Variants in ATP2B3 observed in about 807,000 individuals in gnomAD.
ATP2B3 encodes the protein plasma membrane calcium-transporting ATPase 3.
In ATP2B3, 12 loss-of-function variants were observed where a neutral mutation model predicts 70.8. The observed-to-expected ratio is 0.17, with a 90% confidence interval of 0.11 to 0.27. The LOEUF is 0.27. Ranked by LOEUF, ATP2B3 falls within the 10% of genes least tolerant of loss-of-function variation. ATP2B3 has a pLI of 1.00. For synonymous variants in ATP2B3, 460 were observed against 497.8 expected, an observed-to-expected ratio of 0.92 and a Z score of 1.01; for missense variants, 858 against 1,118.5, an observed-to-expected ratio of 0.77 and a Z score of 3.32.
rs368530977 is a variant in ATP2B3 at position 153,580,143 on chromosome X, C to T, written c.3508C>T (p.Arg1170Cys). The T allele has an allele frequency of 2.5e-5, 30 of 1,210,340 alleles. No homozygotes were observed. The highest frequency in any genetic ancestry group is 3.5e-5 in the South Asian group (2 of 56,865). The change falls in exon 22 of 22, where the codon CGC (arginine) becomes TGC (cysteine). Residue 1170 changes from arginine to cysteine, a missense_variant. This residue lies in a region of ATP2B3 where 265 missense variants were observed against 305.3 expected (regional missense o/e 0.87). Coordinates refer to ENST00000263519, the MANE Select transcript of ATP2B3 (RefSeq NM_001001344.3). ...DDTDVDENEERLRAPPPPSPN... is the reference protein window; with the variant it reads ...DDTDVDENEECLRAPPPPSPN... ...CACGGACGTGGACGAGAACGAGGAG[C>T]GCCTCCGGGCCCCCCCGCCCCCGTC... is the stretch of plus-strand genomic sequence containing the variant.
chrX:153,536,582 T>C, intron 3 of ATP2B3, 127 bp downstream of exon 3: 1 of 753,425 alleles, frequency 1.3e-6, no homozygotes, highest in Admixed American at 2.8e-5. Flanking sequence ...TCTCAGCCAT[T>C]TCCCTTGAGG....
intron 2 of ATP2B3, among the ~76,000 whole-genome samples, chrX:153,525,556 C>A (rs73633643): frequency 0.01 from 1,131 of 112,348 alleles, 13 homozygotes; most frequent in African/African-American, 0.035. Context: ...TGGAAGCATC[C>A]AGGACCAGAC....
intron 13 of ATP2B3, among the ~76,000 whole-genome samples, chrX:153,555,557 T>C (rs956430747): frequency 9.0e-6 from 1 of 111,492 alleles, no homozygotes; most frequent in African/African-American, 3.3e-5. Context: ...ACCTCTTCAT[T>C]TGGGAACTGT....
chrX:153,564,519 C>T (rs912798945), intron 20 of ATP2B3, among the ~76,000 whole-genome samples: 1 of 113,121 alleles, frequency 8.8e-6, no homozygotes, highest in Non-Finnish European at 1.9e-5. Flanking sequence ...CTTGCTGCAC[C>T]GCGTTCCACT....
At chrX:153,555,622 G>A (rs1167997685) in intron 13 of ATP2B3, among the ~76,000 whole-genome samples, 4 of 111,988 alleles carry the variant, frequency 3.6e-5, no homozygotes, top group Non-Finnish European at 5.6e-5. Flanking sequence ...CCAGTCTCCT[G>A]GCTTCCCGCT....
At chrX:153,532,720 G>C (rs781885806) in intron 2 of ATP2B3, among the ~76,000 whole-genome samples, 125 of 112,159 alleles carry the variant, frequency 1.1e-3, no homozygotes, top group African/African-American at 3.4e-3. Context: ...GCACAGAAAT[G>C]GTATGTTCCC....
At chrX:153,529,693 G>A (rs1458993581) in intron 2 of ATP2B3, among the ~76,000 whole-genome samples, 1 of 112,110 alleles carries the variant, frequency 8.9e-6, no homozygotes, top group East Asian at 2.8e-4. Context: ...CCAAACTGAA[G>A]CTCTGGCCCC....
chrX:153,538,608 C>G (rs781933580), intron 3 of ATP2B3, among the ~76,000 whole-genome samples: 7 of 113,018 alleles, frequency 6.2e-5, no homozygotes, highest in East Asian at 5.6e-4. Context: ...GGAGCCGACA[C>G]GAGATGCTCC....
At chrX:153,522,528 C>T (rs782638799) in intron 2 of ATP2B3, among the ~76,000 whole-genome samples, 41 of 111,837 alleles carry the variant, frequency 3.7e-4, no homozygotes, top group Non-Finnish European at 5.1e-4. Context: ...GCAGAGACTC[C>T]GGGATGTACT....
chrX:153,575,649 C>T (rs1445543053), intron 21 of ATP2B3, among the ~76,000 whole-genome samples: 1 of 100,451 alleles, frequency 1.0e-5, no homozygotes, highest in African/African-American at 3.7e-5. Context: ...GGGCTGGGGC[C>T]GGGGGGGTTG....
rs782209060 is a variant in ATP2B3 at position 153,547,852 on chromosome X, G to T, written c.976G>T (p.Ala326Ser). ...GTGTGCAGCTAAGAAGCAGGATGGT[G>T]CAGTGGCCATGGAGATGCAGCCCCT... ...SQTKAKKQDG[A>S]VAMEMQPLKS... is the part of the protein sequence containing the mutation. The change falls in exon 9 of 22, where the codon GCA (alanine) becomes TCA (serine). Residue 326 changes from alanine (A) to serine (S), a missense_variant. By Grantham distance (99) the Ala-to-Ser change is moderately conservative. Transcript: ENST00000263519. The T allele has an allele frequency of 1.6e-5, 19 of 1,206,979 alleles. No homozygotes were observed. Among genetic ancestry groups the T allele is most frequent in the Middle Eastern group, 2.3e-4 (1 of 4,327 alleles).
intron 6 of ATP2B3, 68 bp downstream of exon 6, chrX:153,542,516 TC>T: frequency 2.6e-6 from 3 of 1,159,829 alleles, no homozygotes; most frequent in Non-Finnish European, 3.5e-6. Context: ...CAGCATCCTG[TC>T]CAGGCTGCCT....
chrX:153,527,991 C>T (rs907388631), intron 2 of ATP2B3, among the ~76,000 whole-genome samples: 16 of 112,683 alleles, frequency 1.4e-4, no homozygotes, highest in African/African-American at 4.5e-4. Context: ...TGGAGCCCTG[C>T]CTTCTCACCA....
At chrX:153,552,984 C>T (rs782554876) in intron 12 of ATP2B3, 51 bp from the exon 13 acceptor site, 5 of 1,090,119 alleles carry the variant, frequency 4.6e-6, no homozygotes, top group Non-Finnish European at 6.3e-6. Context: ...AGCGCTGTTC[C>T]TTGTTGTTCT....
At chrX:153,520,701 G>C (rs1556997583) in intron 2 of ATP2B3, among the ~76,000 whole-genome samples, 1 of 112,640 alleles carries the variant, frequency 8.9e-6, no homozygotes, top group Non-Finnish European at 1.9e-5. Context: ...CCAGTAGGTA[G>C]CAAATCCAGG....
intron 21 of ATP2B3, among the ~76,000 whole-genome samples, chrX:153,574,009 A>C (rs1474913235): frequency 2.7e-5 from 3 of 112,482 alleles, no homozygotes; most frequent in East Asian, 5.6e-4. Flanking sequence ...CCAGCTGTGG[A>C]GTTTGCATTT....
In ATP2B3 at chrX:153,580,281, G is replaced by A. The variant is rs1557022577; in HGVS notation, c.3646G>A (p.Val1216Met). ...SSSPGSPLHS[V>M]ETSL Reference sequence around the variant, plus strand: ...CAGTCCCGGGAGCCCGCTCCACAGCGTGGAGACGTCCCTCTAACAAGAACT... The same window carrying A: ...CAGTCCCGGGAGCCCGCTCCACAGCATGGAGACGTCCCTCTAACAAGAACT... Residue 1216 changes from valine to methionine, a missense_variant, in exon 22 of 22, where the codon GTG (valine) becomes ATG (methionine). Val to Met is a conservative substitution (Grantham distance 21). This residue lies in a region of ATP2B3 where 265 missense variants were observed against 305.3 expected (regional missense o/e 0.87). Transcript: ENST00000263519. 7.5e-6 allele frequency: 9 copies of A among 1,204,360 alleles called. No individual in the cohort carries two copies. Among genetic ancestry groups the A allele is most frequent in the African/African-American group, 1.8e-5 (1 of 57,003 alleles).
chrX:153,550,186 A>T lies in ATP2B3; in HGVS notation c.1723A>T (p.Thr575Ser). 1 of 1,212,280 alleles carries T rather than the reference A, an allele frequency of 8.2e-7. No individual in the cohort carries two copies. Among genetic ancestry groups the T allele is most frequent in the Non-Finnish European group, 1.1e-6 (1 of 895,595 alleles). The change falls in exon 12 of 22, where the codon ACC becomes TCC. Residue 575 changes from threonine (T) to serine (S), a missense_variant. Coordinates refer to ENST00000263519, the MANE Select transcript of ATP2B3 (RefSeq NM_001001344.3). ...GGAAGACAAGCTTTACAAAGTGTAC[A>T]CCTTCAACTCGGTCCGCAAGTCCAT... ...IPEDKLYKVY[T>S]FNSVRKSMST...
intron 8 of ATP2B3, among the ~76,000 whole-genome samples, chrX:153,546,510 G>A (rs1382639475): frequency 8.8e-6 from 1 of 113,258 alleles, no homozygotes; most frequent in African/African-American, 3.2e-5. Context: ...TCCCAGGCCA[G>A]CTTCCTTTCA....
Sources: allele counts gnomAD v4.1 joint callset (sites outside exome capture counted in the v4.1 genomes callset), GRCh38; gene constraint gnomAD v4.1.1; regional missense constraint gnomAD v4.1.1; transcripts MANE v1.5; gene names NCBI Gene and HGNC (gene_info 2026-07-23, HGNC 2026-07-21).